SLC4A8: variants seen among roughly 807,000 people sequenced by gnomAD.
SLC4A8 encodes solute carrier family 4 member 8, also known as electroneutral sodium bicarbonate exchanger 1.
Under a neutral mutation model 125.0 loss-of-function variants are expected in SLC4A8, and 40 were observed. The observed-to-expected ratio is 0.32, with a 90% CI of 0.25 to 0.42. The LOEUF (loss-of-function observed/expected upper bound fraction) is 0.42. SLC4A8 is among the 10% of genes least tolerant of loss of function. SLC4A8 has a pLI of 1.00. For missense variants in SLC4A8, 863 were observed against 1,355.1 expected (o/e 0.64, Z 5.70); for synonymous variants, 456 against 476.0 (o/e 0.96, Z 0.55).
intron 16 of SLC4A8, among the ~76,000 whole-genome samples, chr12:51,481,616 CCTTTA>C (rs1430947302): frequency 6.6e-6 from 1 of 152,042 alleles, no homozygotes; most frequent in East Asian, 1.9e-4. Context: ...GTGATTCTAT[CCTTTA>C]CTTTAGGTAA....
chr12:51,424,067 A>AT (rs1948878205), upstream of SLC4A8, among the ~76,000 whole-genome samples: 1 of 3,500 alleles, frequency 2.9e-4, no homozygotes, highest in Non-Finnish European at 1.5e-3. Flanking sequence ...AAAAAACAAC[A>AT]AAAAAAAAAC....
intron 1 of SLC4A8, among the ~76,000 whole-genome samples, chr12:51,405,596 A>C (rs1565752139): frequency 6.6e-6 from 1 of 152,070 alleles, no homozygotes; most frequent in Non-Finnish European, 1.5e-5. Context: ...GGGTCTTGCT[A>C]TGTTTCCCAG....
chr12:51,417,563 A>G (rs7297730), intron 1 of SLC4A8, among the ~76,000 whole-genome samples: 137,809 of 149,032 alleles, frequency 0.92, 63,687 homozygotes, highest in Non-Finnish European at 0.94. Flanking sequence ...TGTCGCCCAG[A>G]CTGGTGTGCA....
chr12:51,414,162 CTT>C (rs1344423234), intron 1 of SLC4A8, among the ~76,000 whole-genome samples: 2 of 139,418 alleles, frequency 1.4e-5, no homozygotes, highest in African/African-American at 2.6e-5. Flanking sequence ...ATTCCTGGGT[CTT>C]TTTTTTTTTT....
intron 17 of SLC4A8, among the ~76,000 whole-genome samples, chr12:51,487,634 T>A (rs1951196002): frequency 6.6e-6 from 1 of 152,154 alleles, no homozygotes; most frequent in South Asian, 2.1e-4. Flanking sequence ...AGGGGTGGGG[T>A]AAGGATCTAG....
chr12:51,441,633 A>T (rs1949602095), intron 2 of SLC4A8, among the ~76,000 whole-genome samples: 2 of 152,200 alleles, frequency 1.3e-5, no homozygotes, highest in African/African-American at 4.8e-5. Flanking sequence ...AGCCTTTGTG[A>T]AATCTCTGCA....
intron 1 of SLC4A8, among the ~76,000 whole-genome samples, chr12:51,426,495 C>T (rs1948985127): frequency 2.0e-5 from 3 of 152,050 alleles, no homozygotes; most frequent in African/African-American, 7.3e-5. Flanking sequence ...GTGCCATAAG[C>T]GTGTATAACA....
chr12:51,411,456 G>A (rs769236061), intron 1 of SLC4A8, among the ~76,000 whole-genome samples: 11 of 152,014 alleles, frequency 7.2e-5, no homozygotes, highest in Non-Finnish European at 1.6e-4. Context: ...GGGTATGGTG[G>A]TGTGCACCTG....
At chr12:51,433,617 G>A (rs1949267578) in intron 1 of SLC4A8, among the ~76,000 whole-genome samples, 1 of 152,032 alleles carries the variant, frequency 6.6e-6, no homozygotes, top group South Asian at 2.1e-4. Context: ...GATCTTTTTT[G>A]CCATAAATAA....
At chr12:51,487,989 GT>G (rs1429061832) in intron 17 of SLC4A8, among the ~76,000 whole-genome samples, 1 of 152,168 alleles carries the variant, frequency 6.6e-6, no homozygotes, top group Non-Finnish European at 1.5e-5. Flanking sequence ...AACAGATACA[GT>G]TGTTAATTAT....
chr12:51,399,300 T>C (rs1948324920), intron 1 of SLC4A8, among the ~76,000 whole-genome samples: 1 of 152,156 alleles, frequency 6.6e-6, no homozygotes, highest in Non-Finnish European at 1.5e-5. Context: ...AATCTAAAGC[T>C]CAAAAGTATA....
rs1423260738 is a variant in SLC4A8 at position 51,450,960 on chromosome 12, G to A, written c.215G>A (p.Arg72Gln). The A allele has an allele frequency of 1.4e-5, 22 of 1,598,504 alleles. No homozygotes were observed. The highest frequency in any genetic ancestry group is 3.4e-5 in the Admixed American group (2 of 58,336). Residue 72 changes from arginine to glutamine, a missense_variant, in exon 3 of 25, where the codon CGG becomes CAG. Coordinates refer to ENST00000453097, the MANE Select transcript of SLC4A8 (RefSeq NM_001039960.3). Reference sequence around the variant, plus strand: ...CACCGCACTCATGGCCAGAAGCACCGGAGACGAGGGCGGGGCAAAGGAGCC... The same window carrying A: ...CACCGCACTCATGGCCAGAAGCACCAGAGACGAGGGCGGGGCAAAGGAGCC... ...RHHRTHGQKH[R>Q]RRGRGKGASQ...
chr12:51,469,455 T>A (rs944503734), intron 11 of SLC4A8, among the ~76,000 whole-genome samples, 159 bp from the exon 12 acceptor site: 2 of 152,144 alleles, frequency 1.3e-5, no homozygotes, highest in African/African-American at 2.4e-5. Flanking sequence ...GCAAAGAGAC[T>A]CTCTGCTGAC....
chr12:51,498,351 A>G (rs571607933), intron 22 of SLC4A8, among the ~76,000 whole-genome samples: 1 of 152,228 alleles, frequency 6.6e-6, no homozygotes, highest in African/African-American at 2.4e-5. Flanking sequence ...TTTACGAAAA[A>G]GAAGTACAAA....
chr12:51,465,860 C>CT (rs1430451481), intron 11 of SLC4A8, among the ~76,000 whole-genome samples: 5 of 152,192 alleles, frequency 3.3e-5, no homozygotes, highest in South Asian at 4.1e-4. Flanking sequence ...AAATGTGAGT[C>CT]TTTTTTGTAT....
In SLC4A8 at chr12:51,457,450, A is replaced by G; in HGVS notation, c.674A>G (p.Glu225Gly). The change falls in exon 6 of 25, where the codon GAA becomes GGA. Residue 225 changes from glutamate (E) to glycine (G), a missense_variant. Physicochemically the swap from Glu to Gly is moderately conservative, Grantham distance 98. This residue lies in a region of SLC4A8 where 390 missense variants were observed against 634.4 expected (regional missense o/e 0.61). Coordinates refer to ENST00000453097, the MANE Select transcript of SLC4A8 (RefSeq NM_001039960.3). ...ALLKKHHHQN[E>G]KKRNNLIPIV... Reference sequence around the variant, plus strand: ...CTCAAAAAGCATCATCATCAGAATGAAAAGAAGAGAAACAACCTCATTCCC... The same window carrying G: ...CTCAAAAAGCATCATCATCAGAATGGAAAGAAGAGAAACAACCTCATTCCC... The G allele has an allele frequency of 6.2e-7, 1 of 1,614,164 alleles. No homozygotes were observed. The highest frequency in any genetic ancestry group is 1.1e-5 in the South Asian group (1 of 91,076).
At position 51,471,416 on chromosome 12, in the gene SLC4A8, A is replaced by T. The variant is rs781492919; in HGVS notation, c.1788A>T (p.Ala596=). The change falls in exon 14 of 25, where the codon GCA becomes GCT. Residue 596 remains alanine (A), a synonymous_variant. Coordinates refer to ENST00000453097, the MANE Select transcript of SLC4A8 (RefSeq NM_001039960.3). The part of the protein sequence containing the change: ...VCYITRFTEE[A]FASLICIIFI... ...ACATTACCCGTTTCACTGAAGAAGC[A>T]TTTGCCTCCCTAATTTGCATTATTT... 6.2e-7 allele frequency: 1 copy of T among 1,614,078 alleles called. No homozygotes were observed. Among genetic ancestry groups the T allele is most frequent in the African/African-American group, 1.3e-5 (1 of 74,930 alleles).
intron 11 of SLC4A8, chr12:51,467,403 C>T (rs1950554762): frequency 6.6e-6 from 1 of 152,164 alleles, no homozygotes; most frequent in South Asian, 2.1e-4. Flanking sequence ...AAAGGTGAAT[C>T]CCAACTATAC....
At chr12:51,480,940 T>C (rs1951010692) in intron 16 of SLC4A8, among the ~76,000 whole-genome samples, 1 of 152,250 alleles carries the variant, frequency 6.6e-6, no homozygotes, top group African/African-American at 2.4e-5. Flanking sequence ...CTGCAGTTCA[T>C]AGTGAGAACA....
Sources: allele counts gnomAD v4.1 joint callset (sites outside exome capture counted in the v4.1 genomes callset), GRCh38; gene constraint gnomAD v4.1.1; regional missense constraint gnomAD v4.1.1; transcripts MANE v1.5; gene names NCBI Gene and HGNC (gene_info 2026-07-23, HGNC 2026-07-21).